The following KDM5A variants were observed in gnomAD, a reference collection of about 807,000 sequenced individuals.
KDM5A encodes lysine demethylase 5A.
KDM5A carries 42 observed loss-of-function variants against 193.5 expected under a neutral mutation model. That is an observed-to-expected ratio of 0.22 (90% CI 0.17 to 0.28). The LOEUF is 0.28. Among genes scored for constraint, KDM5A ranks in the 10% least tolerant of loss-of-function variants. The pLI is 1.00. For missense variants in KDM5A, 1,692 were observed against 2,055.1 expected (o/e 0.82, Z 3.42); for synonymous variants, 796 against 718.1 (o/e 1.11, Z -1.73).
At chr12:324,797 C>CG (rs201665707) in intron 14 of KDM5A, among the ~76,000 whole-genome samples, 1,632 of 151,458 alleles carry the variant, frequency 0.011, 14 homozygotes, top group Middle Eastern at 0.027. Context: ...CACTTGAGCC[C>CG]GGGGGGTGAA....
At chr12:362,178 G>A (rs1944301325) in intron 5 of KDM5A, among the ~76,000 whole-genome samples, 1 of 152,038 alleles carries the variant, frequency 6.6e-6, no homozygotes, top group Admixed American at 6.6e-5. Context: ...TAAATCTTAG[G>A]AGTTCTAAGG....
chr12:359,884 A>G (rs561455811), intron 5 of KDM5A, among the ~76,000 whole-genome samples: 231 of 151,910 alleles, frequency 1.5e-3, no homozygotes, highest in African/African-American at 4.7e-3. Context: ...AAGAGGTGAT[A>G]ATACATTATC....
intron 10 of KDM5A, among the ~76,000 whole-genome samples, chr12:343,297 G>T (rs1340383178): frequency 6.6e-6 from 1 of 152,190 alleles, no homozygotes; most frequent in Admixed American, 6.5e-5. Context: ...GGAGCCCACG[G>T]CAGCTCAACA....
chr12:340,707 A>AC (rs1943993914), intron 10 of KDM5A, among the ~76,000 whole-genome samples: 1 of 151,426 alleles, frequency 6.6e-6, no homozygotes, highest in Non-Finnish European at 1.5e-5. Flanking sequence ...AAAAAAAAAA[A>AC]AAAAAAAAAA....
At chr12:346,235 A>T (rs928928400) in intron 10 of KDM5A, among the ~76,000 whole-genome samples, 2 of 152,238 alleles carry the variant, frequency 1.3e-5, no homozygotes, top group Non-Finnish European at 2.9e-5. Context: ...TGAATCTCTG[A>T]ACAGACCAAT....
chr12:285,259 C>T lies in KDM5A; in HGVS notation c.*197G>A. The T allele has an allele frequency of 1.7e-6, 1 of 604,602 alleles. No homozygotes were observed. 37.5% of individuals were successfully genotyped at this position (604,602 alleles called of 1,614,324 possible). A position where few individuals can be genotyped will look rare whatever the true frequency, so the allele number is the denominator to read the frequency against. ...ATTGGCTGTTGTACCAAAGAAGACA[C>T]CCTCTGCATAGATATGTTGATAGAG... On this transcript the variant is annotated 3_prime_UTR_variant, in exon 28 of 28. Coordinates refer to ENST00000399788, the MANE Select transcript of KDM5A (RefSeq NM_001042603.3).
chr12:298,275 C>A (rs1325602595), intron 24 of KDM5A, among the ~76,000 whole-genome samples: 1 of 152,236 alleles, frequency 6.6e-6, no homozygotes, highest in Non-Finnish European at 1.5e-5. Flanking sequence ...CAGGGGTCAA[C>A]AGACACATCA....
intron 7 of KDM5A, among the ~76,000 whole-genome samples, chr12:354,725 C>G (rs1944209993): frequency 6.6e-6 from 1 of 151,924 alleles, no homozygotes; most frequent in African/African-American, 2.4e-5. Flanking sequence ...CGAGATCGCA[C>G]CACTGCACTC....
chr12:387,771 A>C (rs1944661973), intron 1 of KDM5A, among the ~76,000 whole-genome samples: 1 of 152,192 alleles, frequency 6.6e-6, no homozygotes, highest in Non-Finnish European at 1.5e-5. Flanking sequence ...AGATTAAAGC[A>C]AACAATCTAT....
At chr12:332,171 T>C (rs553176919) in intron 12 of KDM5A, among the ~76,000 whole-genome samples, 2 of 152,232 alleles carry the variant, frequency 1.3e-5, no homozygotes, top group Admixed American at 1.3e-4. Flanking sequence ...AAAGAAATTC[T>C]CAAAGAAAAA....
chr12:326,889 A>T (rs996885155), intron 14 of KDM5A, among the ~76,000 whole-genome samples: 1 of 148,902 alleles, frequency 6.7e-6, no homozygotes, highest in Non-Finnish European at 1.5e-5. Flanking sequence ...AAAAAAAAAA[A>T]AAGAAAAGAA....
intron 24 of KDM5A, among the ~76,000 whole-genome samples, chr12:300,423 C>T (rs1018366860): frequency 2.0e-5 from 3 of 152,160 alleles, no homozygotes; most frequent in African/African-American, 7.2e-5. Flanking sequence ...CAACCTGCTC[C>T]TGAATGACTA....
At chr12:318,694 A>T (rs1236216689) in intron 18 of KDM5A, among the ~76,000 whole-genome samples, 1 of 152,254 alleles carries the variant, frequency 6.6e-6, no homozygotes, top group Non-Finnish European at 1.5e-5. Flanking sequence ...ATATTTAATG[A>T]CTGCTGACTT....
chr12:354,010 T>C (rs1944197128), intron 8 of KDM5A, 66 bp downstream of exon 8: 1 of 1,130,388 alleles, frequency 8.8e-7, no homozygotes, highest in Admixed American at 1.7e-5. Context: ...TATGTTTATA[T>C]GTAGGTGTAT....
intron 26 of KDM5A, among the ~76,000 whole-genome samples, chr12:293,935 C>T (rs1414084637): frequency 6.6e-6 from 1 of 150,444 alleles, no homozygotes; most frequent in Non-Finnish European, 1.5e-5. Context: ...AGAAAAAGGG[C>T]ATATAAAAAA....
intron 2 of KDM5A, among the ~76,000 whole-genome samples, chr12:384,616 A>C (rs1411634165): frequency 6.6e-6 from 1 of 152,236 alleles, no homozygotes; most frequent in Non-Finnish European, 1.5e-5. Flanking sequence ...ACTAGCCAAT[A>C]ATAAAGAGGC....
chr12:347,733 C>A (rs886717859), intron 10 of KDM5A, among the ~76,000 whole-genome samples: 4 of 152,108 alleles, frequency 2.6e-5, no homozygotes, highest in Non-Finnish European at 5.9e-5. Flanking sequence ...AAACTGGATC[C>A]CTTCCTTACA....
Position 284,874 on chromosome 12 carries a change from A to G in KDM5A, c.*582T>C, listed in dbSNP as rs1354458329. On this transcript the variant is annotated 3_prime_UTR_variant, in exon 28 of 28. Coordinates refer to ENST00000399788, the MANE Select transcript of KDM5A (RefSeq NM_001042603.3). The stretch of plus-strand genomic sequence containing the variant: ...CTATTTGGGATGTTCTTCTAGCACA[A>G]ACAAGCACAAATCGCTGAGGTCAAT... 1 of 235,846 alleles carries G rather than the reference A, an allele frequency of 4.2e-6. No individual in the cohort carries two copies. Among genetic ancestry groups the G allele is most frequent in the East Asian group, 6.0e-5 (1 of 16,664 alleles). 14.6% of individuals were successfully genotyped at this position (235,846 alleles called of 1,614,324 possible). A position where few individuals can be genotyped will look rare whatever the true frequency, so the allele number is the denominator to read the frequency against.
intron 27 of KDM5A, among the ~76,000 whole-genome samples, chr12:290,717 G>T (rs1450420613): frequency 6.8e-6 from 1 of 147,392 alleles, no homozygotes; most frequent in Non-Finnish European, 1.5e-5. Context: ...CATAGCAAAT[G>T]AAAAAAAAAA....
Sources: allele counts gnomAD v4.1 joint callset (sites outside exome capture counted in the v4.1 genomes callset), GRCh38; gene constraint gnomAD v4.1.1; transcripts MANE v1.5; gene names NCBI Gene and HGNC (gene_info 2026-07-23, HGNC 2026-07-21).